The following SSH2 variants were observed in gnomAD, a reference collection of about 807,000 sequenced individuals.
SSH2 encodes the protein slingshot protein phosphatase 2, also known as protein phosphatase Slingshot homolog 2.
A neutral mutation model predicts 135.2 loss-of-function variants in SSH2; 37 were observed. The ratio of observed to expected loss-of-function variants is 0.27; its 90% CI spans 0.21 to 0.36. SSH2 has a LOEUF of 0.36. Ranked by LOEUF, SSH2 falls within the 10% of genes least tolerant of loss-of-function variation. The pLI is 1.00. For synonymous variants in SSH2, 628 were observed against 646.2 expected, an observed-to-expected ratio of 0.97 and a Z score of 0.43; for missense variants, 1,408 against 1,765.3, an observed-to-expected ratio of 0.80 and a Z score of 3.63.
intron 3 of SSH2, among the ~76,000 whole-genome samples, chr17:29,728,484 T>TA (rs1427170167): frequency 6.6e-6 from 1 of 152,120 alleles, no homozygotes; most frequent in African/African-American, 2.4e-5. Context: ...CAAAACAATC[T>TA]AAAGATTCAA....
chr17:29,833,002 G>A (rs2042874807), intron 2 of SSH2, among the ~76,000 whole-genome samples: 1 of 152,078 alleles, frequency 6.6e-6, no homozygotes, highest in Non-Finnish European at 1.5e-5. Flanking sequence ...CTGGTTTTGT[G>A]GTCTAACATA....
At position 29,771,383 on chromosome 17, in the gene SSH2, C is replaced by G. The variant is rs532397664; in HGVS notation, c.188+22511G>C. Among the ~76,000 whole-genome samples, 14 of 152,328 alleles carry G rather than the reference C, an allele frequency of 9.2e-5. No homozygotes were observed. The South Asian group carries it at 2.7e-3, about 29-fold the overall frequency. On this transcript the variant is annotated intron_variant, in intron 3 of 15. Transcript: ENST00000540801. ...CACTAAATACATCCTGGTTAGATGA[C>G]TGATCCTTTGCACTACATCACTTTA...
chr17:29,662,756 C>T lies in SSH2; in HGVS notation c.1032+4111G>A, dbSNP rs1198801470. 6.6e-5 allele frequency among the ~76,000 whole-genome samples: 10 copies of T among 152,194 alleles called. No homozygotes were observed. In the East Asian group the frequency reaches 1.9e-3, roughly 29 times the overall value. On this transcript the variant is annotated intron_variant, in intron 11 of 15. Coordinates refer to ENST00000540801, the MANE Select transcript of SSH2 (RefSeq NM_001282129.2). ...AGGTATTAAGCCTAGTACTCATTAG[C>T]TATTTTTTCCTGATCCTCTCCCTAG... is the stretch of plus-strand genomic sequence containing the variant.
Position 29,842,193 on chromosome 17 carries a change from C to A in SSH2, c.144+6656G>T, listed in dbSNP as rs973193668. On this transcript the variant is annotated intron_variant, in intron 2 of 15. Coordinates refer to ENST00000540801, the MANE Select transcript of SSH2 (RefSeq NM_001282129.2). Reference sequence around the variant, plus strand: ...TCACAGCCAGGCGCAGTGGCTCATGCCTATAACCCCAGCACTCTGGGAGGC... The same window carrying A: ...TCACAGCCAGGCGCAGTGGCTCATGACTATAACCCCAGCACTCTGGGAGGC... 5.5e-4 allele frequency among the ~76,000 whole-genome samples: 84 copies of A among 151,978 alleles called. 1 individual carries two copies. Among genetic ancestry groups the A allele is most frequent in the Non-Finnish European group, 6.2e-4 (42 of 68,000 alleles).
chr17:29,765,902 C>G (rs539795416), intron 3 of SSH2, among the ~76,000 whole-genome samples: 12 of 151,748 alleles, frequency 7.9e-5, no homozygotes, highest in African/African-American at 2.9e-4. Context: ...CGCCTGTAAT[C>G]TCAGCTACTT....
chr17:29,907,360 G>C (rs1567645656), intron 1 of SSH2, among the ~76,000 whole-genome samples: 1 of 151,934 alleles, frequency 6.6e-6, no homozygotes, highest in Non-Finnish European at 1.5e-5. Flanking sequence ...TGGGGGTGGA[G>C]TGGGGGGAGG....
chr17:29,733,424 A>C (rs1187512190), intron 3 of SSH2, among the ~76,000 whole-genome samples: 1 of 152,236 alleles, frequency 6.6e-6, no homozygotes, highest in Non-Finnish European at 1.5e-5. Context: ...ACAAATAGAA[A>C]TGTTTATCTT....
At chr17:29,758,223 A>G (rs2041191963) in intron 3 of SSH2, among the ~76,000 whole-genome samples, 1 of 152,222 alleles carries the variant, frequency 6.6e-6, no homozygotes, top group African/African-American at 2.4e-5. Flanking sequence ...AATTCCTCAG[A>G]CTGCCAAGTC....
chr17:29,783,040 A>G (rs1176022301), intron 3 of SSH2, among the ~76,000 whole-genome samples: 1 of 151,948 alleles, frequency 6.6e-6, no homozygotes, highest in Non-Finnish European at 1.5e-5. Context: ...GTTTTGGTAT[A>G]AAGGATAATT....
chr17:29,693,550 G>A (rs1040878680), intron 5 of SSH2, among the ~76,000 whole-genome samples: 1 of 151,978 alleles, frequency 6.6e-6, no homozygotes, highest in Admixed American at 6.6e-5. Flanking sequence ...GACCTCAAAT[G>A]ATCTGCCCAC....
intron 3 of SSH2, among the ~76,000 whole-genome samples, chr17:29,708,571 C>G (rs2039302997): frequency 7.7e-6 from 1 of 129,146 alleles, no homozygotes; most frequent in Non-Finnish European, 1.6e-5. Flanking sequence ...GCCTGGACGA[C>G]AGAGGGGAAC....
Position 29,841,892 on chromosome 17 carries a change from A to ATTTTTTTTT in SSH2, c.144+6948_144+6956dup, listed in dbSNP as rs770836134. Among the ~76,000 whole-genome samples the ATTTTTTTTT allele has an allele frequency of 2.6e-3, 258 of 99,626 alleles. 1 individual carries two copies. Among genetic ancestry groups the ATTTTTTTTT allele is most frequent in the African/African-American group, 9.7e-3 (249 of 25,640 alleles). The allele number at this position is 99,626 out of a possible 152,430, so 65.4% of individuals were successfully genotyped here. ...TAGGAGTACACCACCCCCTTGGCTA[A>ATTTTTTTTT]TTTTTTTTTTTTTTTTTTTTTTGTA... is the stretch of plus-strand genomic sequence containing the variant. On this transcript the variant is annotated intron_variant, in intron 2 of 15. Coordinates refer to ENST00000540801, the MANE Select transcript of SSH2 (RefSeq NM_001282129.2).
At chr17:29,814,694 C>T (rs1037195179) in intron 2 of SSH2, among the ~76,000 whole-genome samples, 2 of 151,642 alleles carry the variant, frequency 1.3e-5, no homozygotes, top group Non-Finnish European at 2.9e-5. Flanking sequence ...AAAACTGCCA[C>T]GTAATAGAAC....
chr17:29,804,815 G>A (rs1471014652), intron 2 of SSH2, among the ~76,000 whole-genome samples: 4 of 149,510 alleles, frequency 2.7e-5, no homozygotes, highest in African/African-American at 9.9e-5. Context: ...AAGTAGCCAG[G>A]ACTATAGGTG....
intron 3 of SSH2, among the ~76,000 whole-genome samples, chr17:29,763,832 T>C (rs1021800713): frequency 6.6e-6 from 1 of 152,150 alleles, no homozygotes; most frequent in Admixed American, 6.6e-5. Context: ...TCTGTTCAGC[T>C]AAGGAGGCTA....
intron 4 of SSH2, among the ~76,000 whole-genome samples, chr17:29,702,082 G>A (rs944037599): frequency 2.0e-5 from 3 of 151,806 alleles, no homozygotes; most frequent in East Asian, 3.9e-4. Context: ...GCTGGGTGCG[G>A]GGACTCACAC....
intron 2 of SSH2, among the ~76,000 whole-genome samples, chr17:29,817,485 AG>A (rs985817586): frequency 6.6e-6 from 1 of 152,210 alleles, no homozygotes; most frequent in African/African-American, 2.4e-5. Context: ...TGCCATCCTC[AG>A]GGAGTCATAA....
intron 9 of SSH2, among the ~76,000 whole-genome samples, chr17:29,668,584 A>T (rs1858237722): frequency 6.6e-6 from 1 of 151,976 alleles, no homozygotes; most frequent in African/African-American, 2.4e-5. Context: ...AAAAATAAAA[A>T]ATTAGCCAGG....
At chr17:29,917,880 A>T (rs573402062) in intron 1 of SSH2, among the ~76,000 whole-genome samples, 6 of 152,186 alleles carry the variant, frequency 3.9e-5, no homozygotes, top group African/African-American at 1.4e-4. Flanking sequence ...AATAAATTTT[A>T]AAAATAGACT....
Sources: gnomAD v4.1 joint callset for allele counts (sites outside exome capture counted in the v4.1 genomes callset) on GRCh38, gnomAD v4.1.1 for gene constraint, MANE v1.5 for transcripts, NCBI Gene and HGNC (gene_info 2026-07-23, HGNC 2026-07-21) for gene names.